The following GRK5 variants were observed in gnomAD, a reference collection of about 807,000 sequenced individuals.
GRK5 encodes the protein G protein-coupled receptor kinase 5.
GRK5 carries 40 observed loss-of-function variants against 78.4 expected under a neutral mutation model. The observed-to-expected ratio is 0.51, with a 90% CI of 0.40 to 0.66. The LOEUF (loss-of-function observed/expected upper bound fraction) is 0.66. GRK5 is among the 30% of genes least tolerant of loss of function. The pLI is 0.00. For missense variants in GRK5, 598 were observed against 759.9 expected, an observed-to-expected ratio of 0.79 and a Z score of 2.50; for synonymous variants, 289 against 296.8, an observed-to-expected ratio of 0.97 and a Z score of 0.27.
Position 119,252,131 on chromosome 10 carries a change from C to T in GRK5, c.52+44162C>T, listed in dbSNP as rs148409126. Among the ~76,000 whole-genome samples the T allele has an allele frequency of 8.1e-4, 123 of 152,326 alleles. 2 individuals carry two copies. Among genetic ancestry groups the T allele is most frequent in the African/African-American group, 2.4e-3 (99 of 41,574 alleles). ...TGCTGGCCTGCGTGGCGTGCTCGTG[C>T]CGATAGGGGCAGCTGTGTGAGTAGC... On this transcript the variant is annotated intron_variant, in intron 1 of 15. Coordinates refer to ENST00000392870, the MANE Select transcript of GRK5 (RefSeq NM_005308.3).
At chr10:119,434,709 C>G (rs1852886743) in intron 8 of GRK5, among the ~76,000 whole-genome samples, 1 of 152,222 alleles carries the variant, frequency 6.6e-6, no homozygotes, top group South Asian at 2.1e-4. Context: ...TCCAGGCAAA[C>G]AGTGCAAGCT....
At chr10:119,386,184 C>T (rs1851790869) in intron 3 of GRK5, among the ~76,000 whole-genome samples, 1 of 152,210 alleles carries the variant, frequency 6.6e-6, no homozygotes, top group African/African-American at 2.4e-5. Context: ...CATGCCCAGC[C>T]TTGGAGTTGT....
intron 1 of GRK5, among the ~76,000 whole-genome samples, chr10:119,262,425 G>C (rs534000879): frequency 3.9e-5 from 5 of 128,666 alleles, no homozygotes; most frequent in Non-Finnish European, 7.7e-5. Flanking sequence ...CACAACCTCC[G>C]CCTCCCAGAT....
chr10:119,275,543 G>A (rs1849653951), intron 1 of GRK5, among the ~76,000 whole-genome samples: 2 of 151,906 alleles, frequency 1.3e-5, no homozygotes, highest in African/African-American at 2.4e-5. Context: ...TTTTGGAACT[G>A]GGGTCCAGTC....
intron 2 of GRK5, among the ~76,000 whole-genome samples, chr10:119,327,509 G>T (rs1219025166): frequency 6.6e-6 from 1 of 152,238 alleles, no homozygotes; most frequent in Non-Finnish European, 1.5e-5. Context: ...TGGGCACGGG[G>T]TGGTGCTGCC....
intron 1 of GRK5, among the ~76,000 whole-genome samples, chr10:119,305,528 T>C (rs1850260047): frequency 6.6e-6 from 1 of 152,220 alleles, no homozygotes; most frequent in Non-Finnish European, 1.5e-5. Context: ...AGCTGCTTTT[T>C]CAAAGCCAGA....
intron 6 of GRK5, 137 bp downstream of exon 6, chr10:119,425,222 G>T: frequency 8.4e-6 from 5 of 591,876 alleles, no homozygotes; most frequent in South Asian, 1.7e-5. Context: ...TGTTAATTAA[G>T]TTGTGTATTC....
chr10:119,457,743 G>A lies in GRK5; in HGVS notation c.*2676G>A, dbSNP rs1304252621. ...ATTGTGTTCCCCAGGCTGAAGTGCA[G>A]TGGCATGATTCTGGCTCACTGCAGC... On this transcript the variant is annotated 3_prime_UTR_variant, in exon 16 of 16. Transcript: ENST00000392870. 2 of 148,204 alleles carry A rather than the reference G, an allele frequency of 1.3e-5. No individual in the cohort carries two copies. Among genetic ancestry groups the A allele is most frequent in the African/African-American group, 5.0e-5 (2 of 39,688 alleles). The allele number at this position is 148,204 out of a possible 1,614,324, so 9.2% of individuals were successfully genotyped here.
At chr10:119,296,890 A>C (rs1271152275) in intron 1 of GRK5, among the ~76,000 whole-genome samples, 1 of 152,226 alleles carries the variant, frequency 6.6e-6, no homozygotes, top group Admixed American at 6.5e-5. Context: ...CCCCACCCCC[A>C]GTGCTCTTGT....
At chr10:119,394,294 C>CCGTGTATCTATGTGTGGGTG (rs1564916955) in intron 3 of GRK5, among the ~76,000 whole-genome samples, 8 of 4,022 alleles carry the variant, frequency 2.0e-3, no homozygotes, top group Admixed American at 9.1e-3. Context: ...GGGTGTGTAT[C>CCGTGTATCTATGTGTGGGTG]TGTGTGTCTG....
chr10:119,319,068 T>C (rs1850539845), intron 1 of GRK5, among the ~76,000 whole-genome samples: 1 of 152,218 alleles, frequency 6.6e-6, no homozygotes, highest in Non-Finnish European at 1.5e-5. Flanking sequence ...CTCCTTTCCC[T>C]GATAGGACAT....
At position 119,448,142 on chromosome 10, in the gene GRK5, A is replaced by C; in HGVS notation, c.1286A>C (p.Lys429Thr). Reference protein sequence around the residue: ...ICKMLLTKDAKQRLGCQEEGA... With the variant: ...ICKMLLTKDATQRLGCQEEGA... ...TTTCAGCTGCTCACGAAAGATGCGA[A>C]GCAGAGGCTGGGCTGCCAGGAGGAG... Residue 429 changes from lysine (K) to threonine (T), a missense_variant, in exon 13 of 16, where the codon AAG (lysine) becomes ACG (threonine). Lys to Thr is a moderately conservative substitution (Grantham distance 78, BLOSUM62 -1). Coordinates refer to ENST00000392870, the MANE Select transcript of GRK5 (RefSeq NM_005308.3). 1 of 1,560,810 alleles carries C rather than the reference A, an allele frequency of 6.4e-7. No individual in the cohort carries two copies. Among genetic ancestry groups the C allele is most frequent in the Non-Finnish European group, 8.6e-7 (1 of 1,160,160 alleles).
intron 1 of GRK5, among the ~76,000 whole-genome samples, chr10:119,229,623 C>G (rs1490476119): frequency 6.6e-6 from 1 of 152,182 alleles, no homozygotes; most frequent in African/African-American, 2.4e-5. Flanking sequence ...CTCTTCAGGA[C>G]CTTCCAGCCT....
At chr10:119,441,893 C>A in intron 10 of GRK5, 106 bp from the exon 11 acceptor site, 1 of 826,242 alleles carries the variant, frequency 1.2e-6, no homozygotes, top group Non-Finnish European at 2.0e-6. Context: ...TGTCCTTGGA[C>A]AGATGAGAAT....
At chr10:119,363,408 G>A (rs1424738731) in intron 2 of GRK5, among the ~76,000 whole-genome samples, 1 of 152,190 alleles carries the variant, frequency 6.6e-6, no homozygotes, top group South Asian at 2.1e-4. Flanking sequence ...TCTAGGACCA[G>A]GGAAGTAAAT....
At chr10:119,450,834 T>C (rs1853267869) in intron 13 of GRK5, among the ~76,000 whole-genome samples, 1 of 152,068 alleles carries the variant, frequency 6.6e-6, no homozygotes, top group South Asian at 2.1e-4. Context: ...CCTCTGTTCC[T>C]GGCATCCGAG....
At position 119,212,169 on chromosome 10, in the gene GRK5, T is replaced by A. The variant is rs1315352423; in HGVS notation, c.52+4200T>A. On this transcript the variant is annotated intron_variant, in intron 1 of 15. Coordinates refer to ENST00000392870, the MANE Select transcript of GRK5 (RefSeq NM_005308.3). ...CAAACTGCCTTTCTTTTTTTTTTTT[T>A]AAAGTTTCCTTTTCAGTACTGACAA... Among the ~76,000 whole-genome samples, 3 of 152,000 alleles carry A rather than the reference T, an allele frequency of 2.0e-5. No homozygotes were observed. The South Asian group carries it at 6.2e-4, about 32-fold the overall frequency.
chr10:119,275,427 C>T (rs1385243805), intron 1 of GRK5, among the ~76,000 whole-genome samples: 2 of 152,154 alleles, frequency 1.3e-5, no homozygotes, highest in African/African-American at 4.8e-5. Flanking sequence ...GACAGCCAGT[C>T]CTCTCACTTC....
At chr10:119,296,249 T>C (rs958066665) in intron 1 of GRK5, among the ~76,000 whole-genome samples, 1 of 152,228 alleles carries the variant, frequency 6.6e-6, no homozygotes, top group Non-Finnish European at 1.5e-5. Flanking sequence ...GATGCTCAGC[T>C]GAAGAAGGTA....
Sources: allele counts gnomAD v4.1 joint callset (sites outside exome capture counted in the v4.1 genomes callset), GRCh38; gene constraint gnomAD v4.1.1; transcripts MANE v1.5; gene names NCBI Gene and HGNC (gene_info 2026-07-23, HGNC 2026-07-21).